KCNH7: variants seen among roughly 807,000 people sequenced by gnomAD.
KCNH7 encodes the protein voltage-gated inwardly rectifying potassium channel KCNH7.
In KCNH7, 49 loss-of-function variants were observed where a neutral mutation model predicts 120.8. That is an observed-to-expected ratio of 0.41 (90% CI 0.32 to 0.51). The LOEUF is 0.51. Among genes scored for constraint, KCNH7 ranks in the 20% least tolerant of loss-of-function variants. KCNH7 has a pLI of 0.38. For synonymous variants in KCNH7, 547 were observed against 516.1 expected, an observed-to-expected ratio of 1.06 and a Z score of -0.81; for missense variants, 1,097 against 1,446.6, an observed-to-expected ratio of 0.76 and a Z score of 3.92.
At chr2:162,419,162 AACTT>A (rs1371939956) in intron 9 of KCNH7, among the ~76,000 whole-genome samples, 1 of 151,434 alleles carries the variant, frequency 6.6e-6, no homozygotes, top group Non-Finnish European at 1.5e-5. Flanking sequence ...CTTTAAGAAA[AACTT>A]ACCTATCCCC....
chr2:162,585,256 C>T (rs1399631511), intron 2 of KCNH7, among the ~76,000 whole-genome samples: 1 of 152,006 alleles, frequency 6.6e-6, no homozygotes, highest in Non-Finnish European at 1.5e-5. Context: ...TTTCTGTTTT[C>T]CTATCATCTT....
chr2:162,757,483 T>TACAAA (rs1301454578), intron 2 of KCNH7, among the ~76,000 whole-genome samples: 1 of 151,998 alleles, frequency 6.6e-6, no homozygotes, highest in Non-Finnish European at 1.5e-5. Flanking sequence ...TGGTGAGAAA[T>TACAAA]ACAAAACAAA....
chr2:162,759,443 C>G (rs305677), intron 2 of KCNH7, among the ~76,000 whole-genome samples: 137,525 of 152,034 alleles, frequency 0.9, 62,788 homozygotes, highest in Middle Eastern at 0.97. Flanking sequence ...GGACAAATCA[C>G]GGTACATTTT....
At chr2:162,405,341 C>G (rs972755915) in intron 9 of KCNH7, among the ~76,000 whole-genome samples, 2 of 151,624 alleles carry the variant, frequency 1.3e-5, no homozygotes, top group Non-Finnish European at 2.9e-5. Flanking sequence ...TTTGAGGACC[C>G]CAAATTTAAA....
At chr2:162,819,217 T>C (rs1045048754) in intron 2 of KCNH7, among the ~76,000 whole-genome samples, 4 of 152,212 alleles carry the variant, frequency 2.6e-5, no homozygotes, top group African/African-American at 9.6e-5. Flanking sequence ...TAGATAATAG[T>C]ATTGTATCCT....
intron 2 of KCNH7, among the ~76,000 whole-genome samples, chr2:162,546,959 C>G (rs988344356): frequency 6.6e-6 from 1 of 152,014 alleles, no homozygotes; most frequent in Non-Finnish European, 1.5e-5. Flanking sequence ...CTGTATTAGT[C>G]CATTCTCACC....
At chr2:162,792,586 TA>T (rs1683986988) in intron 2 of KCNH7, among the ~76,000 whole-genome samples, 1 of 152,062 alleles carries the variant, frequency 6.6e-6, no homozygotes, top group African/African-American at 2.4e-5. Flanking sequence ...TTTATAATAT[TA>T]TCTGGTGGTT....
intron 2 of KCNH7, among the ~76,000 whole-genome samples, chr2:162,655,629 A>G (rs1389362788): frequency 7.1e-6 from 1 of 141,252 alleles, no homozygotes; most frequent in Non-Finnish European, 1.5e-5. Context: ...TACTAAAAAT[A>G]AAGAAAAAAA....
At chr2:162,429,380 A>ATTTTTTTTTTTTTTTTTTTTTT (rs1687981601) in intron 8 of KCNH7, among the ~76,000 whole-genome samples, 1 of 69,350 alleles carries the variant, frequency 1.4e-5, no homozygotes, top group African/African-American at 9.7e-5. Context: ...ATGAGGAAAA[A>ATTTTTTTTTTTTTTTTTTTTTT]GTCTTTTTTT....
rs1474234713 is a variant in KCNH7, at chr2:162,411,696, T to C, written c.2155-11255A>G. Reference sequence around the variant, plus strand: ...TGAGTGCAAGGATATTATAGTAGTATTAGTCTTAACACTTCTTTAATTAAA... The same window carrying C: ...TGAGTGCAAGGATATTATAGTAGTACTAGTCTTAACACTTCTTTAATTAAA... On this transcript the variant is annotated intron_variant, in intron 9 of 15. Transcript: ENST00000332142. Among the ~76,000 whole-genome samples the C allele has an allele frequency of 2.0e-5, 3 of 151,936 alleles. No individual in the cohort carries two copies. In the East Asian group the frequency reaches 5.8e-4, roughly 29 times the overall value.
At position 162,838,423 on chromosome 2, in the gene KCNH7, A is replaced by G; in HGVS notation, c.76+20T>C. The G allele has an allele frequency of 1.9e-6, 3 of 1,603,960 alleles. No individual in the cohort carries two copies. Among genetic ancestry groups the G allele is most frequent in the Non-Finnish European group, 2.6e-6 (3 of 1,170,832 alleles). On this transcript the variant is annotated intron_variant, in intron 1 of 15. Coordinates refer to ENST00000332142, the MANE Select transcript of KCNH7 (RefSeq NM_033272.4). ...ACAAGGCAGAAAGCGAGGGCGAGAG[A>G]AGAGAACAAACGAACTTACTTTGCC...
Position 162,518,163 on chromosome 2 carries a change from A to G in KCNH7, c.464-5T>C. The stretch of plus-strand genomic sequence containing the variant: ...ATTTGAACCCAAAAAATTTCCCTAT[A>G]AATGGAGACAGGAGAGAGCATTATT... On this transcript the variant is annotated splice_polypyrimidine_tract_variant and splice_region_variant and intron_variant, in intron 3 of 15. Transcript: ENST00000332142. 1 of 1,603,356 alleles carries G rather than the reference A, an allele frequency of 6.2e-7. No individual in the cohort carries two copies. Among genetic ancestry groups the G allele is most frequent in the East Asian group, 2.2e-5 (1 of 44,630 alleles).
chr2:162,821,701 A>G (rs1685126742), intron 2 of KCNH7, among the ~76,000 whole-genome samples: 1 of 152,248 alleles, frequency 6.6e-6, no homozygotes, highest in Non-Finnish European at 1.5e-5. Context: ...TTTGGATAAT[A>G]AATCATACGA....
intron 2 of KCNH7, among the ~76,000 whole-genome samples, chr2:162,570,916 A>G (rs1196389969): frequency 6.6e-6 from 1 of 152,164 alleles, no homozygotes; most frequent in Non-Finnish European, 1.5e-5. Flanking sequence ...AGAGGTATCT[A>G]TGACAAACCC....
At position 162,553,511 on chromosome 2, in the gene KCNH7, T is replaced by C. The variant is rs1046806054; in HGVS notation, c.308-16431A>G. Among the ~76,000 whole-genome samples the C allele has an allele frequency of 2.6e-5, 4 of 152,052 alleles. 1 individual carries two copies. In the East Asian group the frequency reaches 7.7e-4, roughly 29 times the overall value. On this transcript the variant is annotated intron_variant, in intron 2 of 15. Transcript: ENST00000332142. ...AAAAATACAAAAAATTAGCGGGGTG[T>C]GGTGGCGGGCGCCTGTAGTCCCAGC...
At chr2:162,587,783 T>C (rs935727198) in intron 2 of KCNH7, among the ~76,000 whole-genome samples, 1 of 152,120 alleles carries the variant, frequency 6.6e-6, no homozygotes, top group Non-Finnish European at 1.5e-5. Flanking sequence ...ATTTACTTCT[T>C]ACCACAATGT....
chr2:162,688,575 T>C (rs1410866876), intron 2 of KCNH7, among the ~76,000 whole-genome samples: 2 of 152,216 alleles, frequency 1.3e-5, no homozygotes, highest in Middle Eastern at 3.4e-3. Context: ...TGCTTTCGAG[T>C]TGCACCTGGA....
At chr2:162,440,618 A>G (rs1688388688) in intron 7 of KCNH7, among the ~76,000 whole-genome samples, 1 of 152,024 alleles carries the variant, frequency 6.6e-6, no homozygotes, top group Non-Finnish European at 1.5e-5. Flanking sequence ...TGTGTCTAAA[A>G]TCTTGGGGAA....
chr2:162,598,745 T>C (rs1193596039), intron 2 of KCNH7, among the ~76,000 whole-genome samples: 6 of 152,100 alleles, frequency 3.9e-5, no homozygotes, highest in African/African-American at 1.4e-4. Flanking sequence ...GTTTCATATA[T>C]AGTATAAAAG....
Sources: allele counts gnomAD v4.1 joint callset (sites outside exome capture counted in the v4.1 genomes callset), GRCh38; gene constraint gnomAD v4.1.1; transcripts MANE v1.5; gene names NCBI Gene and HGNC (gene_info 2026-07-23, HGNC 2026-07-21).